Variants in CSMD1 observed in about 807,000 individuals in gnomAD.
CSMD1 encodes CUB and Sushi multiple domains 1.
CSMD1 carries 213 observed loss-of-function variants against 417.5 expected under a neutral mutation model. That is an observed-to-expected ratio of 0.51 (90% CI 0.46 to 0.57). The LOEUF is 0.57. Among genes scored for constraint, CSMD1 ranks in the 20% least tolerant of loss-of-function variants. The probability of loss-of-function intolerance (pLI) is 0.00; values close to 1 mark genes in which losing one functional copy is unlikely to be tolerated. For missense variants in CSMD1, 6,923 were observed against 4,529.7 expected, an observed-to-expected ratio of 1.53 and a Z score of -15.17; for synonymous variants, 2,862 against 1,736.8, an observed-to-expected ratio of 1.65 and a Z score of -16.11.
In CSMD1 at chr8:4,785,180, T is replaced by C. The variant is rs1797338174; in HGVS notation, c.86-147622A>G. ...CCATAGCTTTGCTGAATATGACTCC[T>C]AGCCTGATCTATTCTGCTGCTCCTA... On this transcript the variant is annotated intron_variant, in intron 1 of 69. Coordinates refer to ENST00000635120, the MANE Select transcript of CSMD1 (RefSeq NM_033225.6). Among the ~76,000 whole-genome samples the C allele has an allele frequency of 2.6e-5, 4 of 152,236 alleles. No individual in the cohort carries two copies. In the South Asian group the frequency reaches 8.3e-4, roughly 31 times the overall value.
intron 1 of CSMD1, among the ~76,000 whole-genome samples, chr8:4,932,089 T>G (rs1807286246): frequency 6.6e-6 from 1 of 152,228 alleles, no homozygotes; most frequent in African/African-American, 2.4e-5. Context: ...ATGCATTTAT[T>G]AAAGCAATTT....
chr8:4,518,019 G>C (rs781339339), intron 2 of CSMD1, among the ~76,000 whole-genome samples: 1 of 152,120 alleles, frequency 6.6e-6, no homozygotes, highest in African/African-American at 2.4e-5. Context: ...TACATAAGCT[G>C]TTTAAGAAAG....
chr8:3,967,595 C>G (rs559001000), intron 5 of CSMD1, among the ~76,000 whole-genome samples: 1 of 152,072 alleles, frequency 6.6e-6, no homozygotes, highest in African/African-American at 2.4e-5. Flanking sequence ...TAGAGTCAGA[C>G]GGTTCACAAC....
chr8:4,477,680 G>A (rs1178786909), intron 2 of CSMD1, among the ~76,000 whole-genome samples: 2 of 152,152 alleles, frequency 1.3e-5, no homozygotes, highest in African/African-American at 2.4e-5. Context: ...CGCAAGGCAT[G>A]TCCCCAAAGG....
At chr8:3,386,164 G>C (rs1388526414) in intron 18 of CSMD1, among the ~76,000 whole-genome samples, 1 of 152,146 alleles carries the variant, frequency 6.6e-6, no homozygotes, top group African/African-American at 2.4e-5. Flanking sequence ...AGCAGGAAAA[G>C]AAAAATGCCT....
intron 2 of CSMD1, among the ~76,000 whole-genome samples, chr8:4,539,591 A>G (rs1162957361): frequency 6.6e-6 from 1 of 152,222 alleles, no homozygotes; most frequent in East Asian, 1.9e-4. Flanking sequence ...TTATAATGTT[A>G]AAAGGGACTT....
Position 4,875,351 on chromosome 8 carries a change from G to T in CSMD1, c.85+118981C>A, listed in dbSNP as rs530844673. Among the ~76,000 whole-genome samples the T allele has an allele frequency of 1.1e-3, 170 of 152,160 alleles. 1 individual carries two copies. The highest frequency in any genetic ancestry group is 4.1e-3 in the African/African-American group (168 of 41,458). On this transcript the variant is annotated intron_variant, in intron 1 of 69. Transcript: ENST00000635120. ...CATGCGACGGTTATTGAATATTTTGGAACTGAAAAGTGACTTGTTTTCTTC... is the reference window on the plus strand; with the variant it reads ...CATGCGACGGTTATTGAATATTTTGTAACTGAAAAGTGACTTGTTTTCTTC...
At chr8:4,978,375 G>A (rs1012409700) in intron 1 of CSMD1, among the ~76,000 whole-genome samples, 3 of 152,184 alleles carry the variant, frequency 2.0e-5, no homozygotes, top group African/African-American at 4.8e-5. Flanking sequence ...CACACTGACT[G>A]CCTTAACATT....
intron 1 of CSMD1, among the ~76,000 whole-genome samples, chr8:4,757,003 G>T (rs539291443): frequency 3.8e-4 from 58 of 152,286 alleles, no homozygotes; most frequent in African/African-American, 1.4e-3. Context: ...AATATATTTA[G>T]ATTTTATTAG....
At chr8:3,634,599 T>C (rs1796941430) in intron 7 of CSMD1, among the ~76,000 whole-genome samples, 1 of 152,110 alleles carries the variant, frequency 6.6e-6, no homozygotes, top group Non-Finnish European at 1.5e-5. Flanking sequence ...ATAATGACCT[T>C]CCTGAGCTCT....
At chr8:3,428,062 A>G (rs767800426) in intron 12 of CSMD1, among the ~76,000 whole-genome samples, 14 of 152,366 alleles carry the variant, frequency 9.2e-5, no homozygotes, top group Non-Finnish European at 1.8e-4. Flanking sequence ...ACCATTACTT[A>G]TATCTGAAGG....
At chr8:4,990,160 A>G (rs1245102182) in intron 1 of CSMD1, among the ~76,000 whole-genome samples, 2 of 152,302 alleles carry the variant, frequency 1.3e-5, no homozygotes, top group South Asian at 4.1e-4. Context: ...TTGCCCTACC[A>G]TTCAAGTTTA....
At chr8:3,556,529 CACACACACACACACACACACA>C (rs1799157775) in intron 10 of CSMD1, among the ~76,000 whole-genome samples, 1 of 148,530 alleles carries the variant, frequency 6.7e-6, no homozygotes, top group African/African-American at 2.5e-5. Context: ...CACACACACA[CACACACACACACACACACACA>C]CCCTCTCTCT....
chr8:4,703,333 T>C (rs1202838210), intron 1 of CSMD1, among the ~76,000 whole-genome samples: 2 of 152,154 alleles, frequency 1.3e-5, no homozygotes, highest in African/African-American at 2.4e-5. Flanking sequence ...TATACGTCGC[T>C]CCACGGACCT....
chr8:3,923,790 T>A (rs536450176), intron 5 of CSMD1, among the ~76,000 whole-genome samples: 4 of 152,214 alleles, frequency 2.6e-5, no homozygotes, highest in Non-Finnish European at 5.9e-5. Flanking sequence ...ACCAAGCTCA[T>A]AGTTACCACT....
intron 3 of CSMD1, among the ~76,000 whole-genome samples, chr8:4,062,360 G>C (rs1426282): frequency 0.21 from 32,229 of 151,860 alleles, 3,532 homozygotes; most frequent in Non-Finnish European, 0.24. Context: ...ATTTTCATTT[G>C]ACAATGGCTT....
At chr8:3,328,559 A>G (rs960551598) in intron 23 of CSMD1, among the ~76,000 whole-genome samples, 2 of 152,196 alleles carry the variant, frequency 1.3e-5, no homozygotes, top group African/African-American at 4.8e-5. Context: ...TTCCTGGCCC[A>G]CAGCAATGAT....
chr8:4,562,941 C>A (rs1798415577), intron 2 of CSMD1, among the ~76,000 whole-genome samples: 1 of 152,148 alleles, frequency 6.6e-6, no homozygotes, highest in African/African-American at 2.4e-5. Flanking sequence ...ACTCTACTTT[C>A]TTAAACAGAA....
intron 3 of CSMD1, among the ~76,000 whole-genome samples, chr8:4,361,354 G>T (rs1010751469): frequency 6.6e-6 from 1 of 150,870 alleles, no homozygotes; most frequent in Non-Finnish European, 1.5e-5. Context: ...GCAGTCATCT[G>T]TGATTTTTAA....
Sources: gnomAD v4.1 joint callset for allele counts (sites outside exome capture counted in the v4.1 genomes callset) on GRCh38, gnomAD v4.1.1 for gene constraint, MANE v1.5 for transcripts, NCBI Gene and HGNC (gene_info 2026-07-23, HGNC 2026-07-21) for gene names.